The following CACNA1E variants were observed in gnomAD, a reference collection of about 807,000 sequenced individuals.
CACNA1E encodes voltage-dependent R-type calcium channel subunit alpha-1E.
Under a neutral mutation model 259.2 loss-of-function variants are expected in CACNA1E, and 40 were observed. That is an observed-to-expected ratio of 0.15 (90% CI 0.12 to 0.20). The LOEUF (loss-of-function observed/expected upper bound fraction) is 0.20, where lower values mean the gene tolerates loss of function less well. Among genes scored for constraint, CACNA1E ranks in the 10% least tolerant of loss-of-function variants. CACNA1E has a pLI of 1.00. For missense variants in CACNA1E, 1,874 were observed against 3,040.1 expected (o/e 0.62, Z 9.02); for synonymous variants, 1,104 against 1,138.5 (o/e 0.97, Z 0.61).
chr1:181,569,742 C>T (rs1322777219), intron 3 of CACNA1E, among the ~76,000 whole-genome samples: 1 of 152,208 alleles, frequency 6.6e-6, no homozygotes, highest in African/African-American at 2.4e-5. Context: ...AATGTATTAA[C>T]ACCCACTTCT....
intron 2 of CACNA1E, among the ~76,000 whole-genome samples, chr1:181,477,347 G>A (rs7516364): frequency 7.9e-5 from 12 of 152,210 alleles, no homozygotes; most frequent in South Asian, 2.1e-4. Flanking sequence ...CCTTGTATTC[G>A]AGCCCTTTGT....
In CACNA1E at chr1:181,344,347, G is replaced by T. The variant is rs142325484; in HGVS notation, c.-15+26224G>T. ...TGCTCTTTCTCTCCACCCAAAACAT[G>T]CTTGGTCTTGCTACTTCTACAAGGA... On this transcript the variant is annotated intron_variant, in intron 1 of 11. Transcript: ENST00000524607. Among the ~76,000 whole-genome samples the T allele has an allele frequency of 5.3e-5, 8 of 152,310 alleles. No homozygotes were observed. The East Asian group carries it at 1.5e-3, about 29-fold the overall frequency.
chr1:181,621,921 A>G (rs1655762578), intron 6 of CACNA1E, among the ~76,000 whole-genome samples: 1 of 152,198 alleles, frequency 6.6e-6, no homozygotes, highest in Non-Finnish European at 1.5e-5. Flanking sequence ...GGCGAGGGTC[A>G]TACCTGATGC....
At chr1:181,412,555 T>C (rs992940110) in intron 1 of CACNA1E, among the ~76,000 whole-genome samples, 2 of 149,922 alleles carry the variant, frequency 1.3e-5, no homozygotes, top group African/African-American at 4.9e-5. Flanking sequence ...GGGTGACAGA[T>C]CCTATCTCAA....
intron 7 of CACNA1E, among the ~76,000 whole-genome samples, chr1:181,687,061 G>T (rs1650654273): frequency 6.6e-6 from 1 of 152,052 alleles, no homozygotes; most frequent in African/African-American, 2.4e-5. Flanking sequence ...GTGGGGTGGG[G>T]GTGGTTCTCA....
At chr1:181,773,444 C>A (rs944927679) in intron 37 of CACNA1E, among the ~76,000 whole-genome samples, 1 of 152,174 alleles carries the variant, frequency 6.6e-6, no homozygotes, top group Non-Finnish European at 1.5e-5. Flanking sequence ...TGTTTTAATA[C>A]ACTTCCTTCT....
chr1:181,371,942 A>G (rs1263597724), intron 1 of CACNA1E, among the ~76,000 whole-genome samples: 2 of 152,154 alleles, frequency 1.3e-5, no homozygotes, highest in African/African-American at 2.4e-5. Flanking sequence ...CCATTAGTCT[A>G]TGTATCTGTT....
At chr1:181,364,734 C>T (rs1654142285) in intron 1 of CACNA1E, among the ~76,000 whole-genome samples, 1 of 152,156 alleles carries the variant, frequency 6.6e-6, no homozygotes, top group Admixed American at 6.5e-5. Context: ...AGGCGATATA[C>T]AATACAGTGT....
chr1:181,782,757 C>T (rs78894322), intron 39 of CACNA1E, among the ~76,000 whole-genome samples: 1,583 of 152,286 alleles, frequency 0.01, 25 homozygotes, highest in African/African-American at 0.035. Context: ...CATGGCTCCT[C>T]GTGCACAGCT....
chr1:181,444,424 G>C (rs538851415), intron 2 of CACNA1E, among the ~76,000 whole-genome samples: 2 of 152,256 alleles, frequency 1.3e-5, no homozygotes, highest in Admixed American at 6.5e-5. Flanking sequence ...AACTGCTATG[G>C]GGGGAAAGGG....
chr1:181,622,943 C>G (rs1655855394), intron 6 of CACNA1E, among the ~76,000 whole-genome samples: 1 of 152,226 alleles, frequency 6.6e-6, no homozygotes, highest in South Asian at 2.1e-4. Context: ...CAGCAACACA[C>G]CCTCACAGTT....
chr1:181,744,351 T>C (rs1656858795), intron 25 of CACNA1E, among the ~76,000 whole-genome samples: 1 of 152,162 alleles, frequency 6.6e-6, no homozygotes. Context: ...GCGTGGTGGC[T>C]CATGCCTGTA....
rs1572809633 is a variant in CACNA1E, at chr1:181,755,893, C to T, written c.3990-63C>T. 6.5e-6 allele frequency: 10 copies of T among 1,532,080 alleles called. No individual in the cohort carries two copies. In the East Asian group the frequency reaches 6.8e-5, roughly 10 times the overall value. 94.9% of individuals were successfully genotyped at this position (1,532,080 alleles called of 1,614,324 possible). A position where few individuals can be genotyped will look rare whatever the true frequency, so the allele number is the denominator to read the frequency against. On this transcript the variant is annotated intron_variant, in intron 28 of 47. Transcript: ENST00000367573. ...ACATTATTGCGGCCTGTAGAATGTG[C>T]TGACTCTTCTGTAGAATGAGCTATA... is the stretch of plus-strand genomic sequence containing the variant.
At position 181,776,149 on chromosome 1, in the gene CACNA1E, A is replaced by G; in HGVS notation, c.5188A>G (p.Thr1730Ala). The change falls in exon 38 of 48, where the codon ACT becomes GCT. Residue 1730 changes from threonine to alanine, a missense_variant. Transcript: ENST00000367573. The surrounding 1 kb of genome is among the most constrained non-coding windows in gnomAD (Gnocchi z 4.4). ...CATCATGGACAACTTTGAGTACCTG[A>G]CTCGGGACTCCTCCATCCTGGGGCC... ...AVIMDNFEYL[T>A]RDSSILGPHH... The G allele has an allele frequency of 6.2e-7, 1 of 1,613,506 alleles. No homozygotes were observed. Among genetic ancestry groups the G allele is most frequent in the Non-Finnish European group, 8.5e-7 (1 of 1,179,660 alleles).
chr1:181,621,714 G>C (rs1242166581), intron 6 of CACNA1E, among the ~76,000 whole-genome samples: 1 of 152,196 alleles, frequency 6.6e-6, no homozygotes, highest in East Asian at 1.9e-4. Context: ...AAGCATGACT[G>C]TATCACACGA....
At chr1:181,754,268 A>G (rs578186762) in intron 27 of CACNA1E, among the ~76,000 whole-genome samples, 2 of 152,094 alleles carry the variant, frequency 1.3e-5, no homozygotes, top group Admixed American at 1.3e-4. Flanking sequence ...CTGCAGCTCC[A>G]TAACCTGAGA....
intron 6 of CACNA1E, among the ~76,000 whole-genome samples, chr1:181,638,094 T>C (rs993011794): frequency 6.6e-6 from 1 of 152,116 alleles, no homozygotes; most frequent in African/African-American, 2.4e-5. Context: ...ATGTGTTGGT[T>C]AGAAATGACA....
Position 181,776,443 on chromosome 1 carries a change from G to T in CACNA1E, c.5267+215G>T. 1.9e-6 allele frequency: 1 copy of T among 534,392 alleles called. No individual in the cohort carries two copies. Among genetic ancestry groups the T allele is most frequent in the Non-Finnish European group, 3.4e-6 (1 of 297,822 alleles). The allele number at this position is 534,392 out of a possible 1,614,324, so 33.1% of individuals were successfully genotyped here. A position where few individuals can be genotyped will look rare whatever the true frequency, so the allele number is the denominator to read the frequency against. On this transcript the variant is annotated intron_variant, in intron 38 of 47. Coordinates refer to ENST00000367573, the MANE Select transcript of CACNA1E (RefSeq NM_001205293.3). This position sits in a 1 kb window ranked among gnomAD's most constrained non-coding sequence, Gnocchi z 4.4. ...TCCCCTCTCTTTCCTTCTGTGACAG[G>T]GTTTTCCCTTTGTGGGCTGGTCTCA...
chr1:181,749,620 G>A lies in CACNA1E; in HGVS notation c.3720-856G>A, dbSNP rs377354614. On this transcript the variant is annotated intron_variant, in intron 25 of 47. Coordinates refer to ENST00000367573, the MANE Select transcript of CACNA1E (RefSeq NM_001205293.3). ...GATTCCTATGTGCTAAAGTTAGGAG[G>A]TTTAAATAAAGATTTGCACTAAAAT... 6.6e-5 allele frequency among the ~76,000 whole-genome samples: 10 copies of A among 152,294 alleles called. No homozygotes were observed. The East Asian group carries it at 1.4e-3, about 21-fold the overall frequency.
Sources: gnomAD v4.1 joint callset for allele counts (sites outside exome capture counted in the v4.1 genomes callset) on GRCh38, gnomAD v4.1.1 for gene constraint, Gnocchi (gnomAD v3.1) non-coding constraint, MANE v1.5 for transcripts, NCBI Gene and HGNC (gene_info 2026-07-23, HGNC 2026-07-21) for gene names.